Variants in HRH1 observed in about 807,000 individuals in gnomAD.
HRH1 encodes histamine receptor H1.
HRH1 carries 6 observed loss-of-function variants against 10.3 expected under a neutral mutation model. That is an observed-to-expected ratio of 0.58 (90% CI 0.32 to 1.15). The LOEUF (loss-of-function observed/expected upper bound fraction) is 1.15, where lower values mean the gene tolerates loss of function less well. Ranked by LOEUF, HRH1 falls within the 50% of genes most tolerant of loss-of-function variation. HRH1 has a pLI of 0.05. For missense variants in HRH1, 514 were observed against 615.3 expected, an observed-to-expected ratio of 0.84 and a Z score of 1.74; for synonymous variants, 242 against 236.7, an observed-to-expected ratio of 1.02 and a Z score of -0.21.
chr3:11,154,866 G>T lies in HRH1; in HGVS notation c.-36+312G>T, dbSNP rs1936748268. The stretch of plus-strand genomic sequence containing the variant: ...TGAGCGTCCGTCTTTGAGCTCGGGC[G>T]AGCAGAGGGGGAGCCTCGTTTTCTT... On this transcript the variant is annotated intron_variant, in intron 1 of 1. Transcript: ENST00000431010. This position sits in a 1 kb window ranked among gnomAD's most constrained non-coding sequence, Gnocchi z 4.4. Among the ~76,000 whole-genome samples the T allele has an allele frequency of 6.6e-6, 1 of 152,190 alleles. No homozygotes were observed. Among genetic ancestry groups the T allele is most frequent in the South Asian group, 2.1e-4 (1 of 4,830 alleles).
intron 1 of HRH1, among the ~76,000 whole-genome samples, chr3:11,177,757 G>A (rs1011907410): frequency 2.0e-5 from 3 of 152,222 alleles, no homozygotes; most frequent in African/African-American, 7.2e-5. Flanking sequence ...ATGTTTGATG[G>A]AATGAATTCA....
At chr3:11,246,934 C>A (rs1050213295) in intron 1 of HRH1, among the ~76,000 whole-genome samples, 1 of 152,118 alleles carries the variant, frequency 6.6e-6, no homozygotes, top group East Asian at 1.9e-4. Context: ...GTGGTCCCTC[C>A]CAGCTACTCA....
intron 1 of HRH1, among the ~76,000 whole-genome samples, chr3:11,144,120 A>G (rs1936352951): frequency 6.6e-6 from 1 of 152,038 alleles, no homozygotes; most frequent in Admixed American, 6.5e-5. Flanking sequence ...AATCAGTACA[A>G]CCTCTATGGA....
chr3:11,198,736 G>GAAA lies in HRH1; in HGVS notation c.-36+44196_-36+44198dup, dbSNP rs59389294. ...TGAGTGACAGAGTGAGACCCTATCT[G>GAAA]AAAAAAAAAAAAAAAATGGGCGGAC... On this transcript the variant is annotated intron_variant, in intron 1 of 1. Transcript: ENST00000431010. Among the ~76,000 whole-genome samples the GAAA allele has an allele frequency of 2.6e-3, 330 of 124,754 alleles. 2 individuals carry two copies. Among genetic ancestry groups the GAAA allele is most frequent in the African/African-American group, 7.7e-3 (262 of 33,942 alleles). The allele number at this position is 124,754 out of a possible 152,430, so 81.8% of individuals were successfully genotyped here.
chr3:11,186,293 G>A (rs1937451564), intron 1 of HRH1, among the ~76,000 whole-genome samples: 3 of 152,152 alleles, frequency 2.0e-5, no homozygotes, highest in Non-Finnish European at 2.9e-5. Flanking sequence ...CTGCTAAATT[G>A]CAGCCAAAGT....
intron 1 of HRH1, among the ~76,000 whole-genome samples, chr3:11,138,572 G>A (rs906827601): frequency 6.6e-6 from 1 of 152,164 alleles, no homozygotes; most frequent in Non-Finnish European, 1.5e-5. Context: ...TTGGAAAACA[G>A]TTTGGCAAGT....
Position 11,260,435 on chromosome 3 carries a change from C to T in HRH1, c.1398C>T (p.Leu466=). ...LGYINSTLNP[L]IYPLCNENFK... ...ACATCAACTCCACACTGAACCCCCT[C>T]ATCTACCCCTTGTGCAATGAGAACT... The change falls in exon 2 of 2, where the codon CTC becomes CTT. Residue 466 remains leucine, a synonymous_variant. Transcript: ENST00000431010. 1 of 1,613,578 alleles carries T rather than the reference C, an allele frequency of 6.2e-7. No individual in the cohort carries two copies. The highest frequency in any genetic ancestry group is 2.2e-5 in the East Asian group (1 of 44,844).
At chr3:11,208,246 A>AGG (rs1166119066) in intron 1 of HRH1, among the ~76,000 whole-genome samples, 1 of 149,096 alleles carries the variant, frequency 6.7e-6, no homozygotes, top group Non-Finnish European at 1.5e-5. Flanking sequence ...TCTGCCTCCC[A>AGG]GGTTCAAGTG....
At chr3:11,140,982 G>A (rs960933746) in intron 1 of HRH1, among the ~76,000 whole-genome samples, 2 of 152,124 alleles carry the variant, frequency 1.3e-5, no homozygotes, top group African/African-American at 4.8e-5. Context: ...GGTGCTCAAG[G>A]GCAGGGAAGG....
intron 1 of HRH1, among the ~76,000 whole-genome samples, chr3:11,160,456 T>A (rs1341969066): frequency 6.6e-6 from 1 of 152,248 alleles, no homozygotes; most frequent in African/African-American, 2.4e-5. Context: ...GTTAGTTTAA[T>A]GGTTTCATAT....
intron 1 of HRH1, among the ~76,000 whole-genome samples, chr3:11,239,821 C>T (rs1406399860): frequency 2.0e-5 from 3 of 152,102 alleles, no homozygotes; most frequent in Non-Finnish European, 2.9e-5. Flanking sequence ...GGCAGCCCCC[C>T]ACCCCCACTT....
At position 11,228,696 on chromosome 3, in the gene HRH1, C is replaced by G. The variant is rs537464375; in HGVS notation, c.-35-30307C>G. On this transcript the variant is annotated intron_variant, in intron 1 of 1. Coordinates refer to ENST00000431010, the MANE Select transcript of HRH1 (RefSeq NM_001098212.2). ...CTTTGGGAGGCCGAGATGGGTGGAT[C>G]ACCTGAGGAGTTTGAGACCAGCCCG... is the stretch of plus-strand genomic sequence containing the variant. Among the ~76,000 whole-genome samples, 21 of 152,080 alleles carry G rather than the reference C, an allele frequency of 1.4e-4. No homozygotes were observed. The East Asian group carries it at 3.9e-3, about 28-fold the overall frequency.
chr3:11,233,686 A>G (rs1293193232), intron 1 of HRH1, among the ~76,000 whole-genome samples: 3 of 152,222 alleles, frequency 2.0e-5, no homozygotes, highest in African/African-American at 4.8e-5. Flanking sequence ...ACAGAAAACC[A>G]GGAGCTCAAT....
intron 1 of HRH1, chr3:11,234,141 T>C: frequency 1.5e-6 from 1 of 668,054 alleles, no homozygotes; most frequent in Non-Finnish European, 2.6e-6. Flanking sequence ...ATTTTGTATA[T>C]TACAGTGCAC....
rs1354835500 is a variant in HRH1, at chr3:11,260,068, G to A, written c.1031G>A (p.Ser344Asn). Reference protein sequence around the residue: ...DEQGLNTHGASEISEDQMLGD... With the variant: ...DEQGLNTHGANEISEDQMLGD... ...CAGGGCCTGAACACACATGGGGCCA[G>A]CGAGATATCAGAGGATCAGATGTTA... is the stretch of plus-strand genomic sequence containing the variant. The change falls in exon 2 of 2, where the codon AGC becomes AAC. Residue 344 changes from serine (S) to asparagine (N), a missense_variant. Transcript: ENST00000431010. The A allele has an allele frequency of 4.3e-6, 7 of 1,614,162 alleles. No individual in the cohort carries two copies. In the South Asian group the frequency reaches 7.7e-5, roughly 18 times the overall value.
At chr3:11,217,558 G>A (rs1186630593) in intron 1 of HRH1, among the ~76,000 whole-genome samples, 3 of 152,024 alleles carry the variant, frequency 2.0e-5, no homozygotes, top group Non-Finnish European at 4.4e-5. Flanking sequence ...GTGGAATGGT[G>A]AGTGCCAGGG....
chr3:11,257,005 C>T (rs1031497929), intron 1 of HRH1, among the ~76,000 whole-genome samples: 3 of 152,084 alleles, frequency 2.0e-5, no homozygotes, highest in Admixed American at 1.3e-4. Context: ...GTAATCTCAG[C>T]ACTTTGGGAG....
chr3:11,147,203 G>T (rs1017350935), intron 1 of HRH1, among the ~76,000 whole-genome samples: 21 of 152,182 alleles, frequency 1.4e-4, no homozygotes, highest in African/African-American at 4.1e-4. Context: ...CAAGGGCAGG[G>T]ATAAGGTCTG....
chr3:11,233,228 T>C (rs1164314874), intron 1 of HRH1, among the ~76,000 whole-genome samples: 1 of 152,208 alleles, frequency 6.6e-6, no homozygotes, highest in African/African-American at 2.4e-5. Context: ...GGGACTATGA[T>C]TATATGAATG....
Sources: allele counts gnomAD v4.1 joint callset (sites outside exome capture counted in the v4.1 genomes callset), GRCh38; gene constraint gnomAD v4.1.1; non-coding constraint Gnocchi (gnomAD v3.1); transcripts MANE v1.5; gene names NCBI Gene and HGNC (gene_info 2026-07-23, HGNC 2026-07-21).